THRB: variants seen among roughly 807,000 people sequenced by gnomAD.
THRB encodes the protein nuclear receptor subfamily 1 group A member 2.
A neutral mutation model predicts 47.8 loss-of-function variants in THRB; 12 were observed. The ratio of observed to expected loss-of-function variants is 0.25; its 90% CI spans 0.16 to 0.41. THRB has a LOEUF of 0.41. THRB is among the 10% of genes least tolerant of loss of function. The pLI is 1.00. For missense variants in THRB, 348 were observed against 589.2 expected (o/e 0.59, Z 4.24); for synonymous variants, 218 against 212.2 (o/e 1.03, Z -0.24).
chr3:24,345,358 G>T (rs187376320), intron 1 of THRB, among the ~76,000 whole-genome samples: 1 of 152,154 alleles, frequency 6.6e-6, no homozygotes, highest in Admixed American at 6.6e-5. Flanking sequence ...ATCCATGAAG[G>T]AGCAATAGCA....
chr3:24,162,171 A>AT (rs113431584), intron 5 of THRB, among the ~76,000 whole-genome samples: 6,882 of 143,808 alleles, frequency 0.048, 358 homozygotes, highest in African/African-American at 0.13. Context: ...CCACAAAAGG[A>AT]TTTTTTTTTT....
intron 1 of THRB, among the ~76,000 whole-genome samples, chr3:24,379,937 C>T (rs2065573297): frequency 1.3e-5 from 2 of 151,718 alleles, no homozygotes. Context: ...CCTCCCTCCT[C>T]TCCTCATGTA....
intron 1 of THRB, among the ~76,000 whole-genome samples, chr3:24,444,595 G>A (rs1180455156): frequency 1.3e-5 from 2 of 152,112 alleles, no homozygotes; most frequent in Admixed American, 6.5e-5. Flanking sequence ...TCTATACAAA[G>A]TACAACAAGT....
chr3:24,367,853 C>G (rs773351049), intron 1 of THRB, among the ~76,000 whole-genome samples: 11 of 152,114 alleles, frequency 7.2e-5, no homozygotes, highest in Non-Finnish European at 1.3e-4. Flanking sequence ...AATGCATAAA[C>G]TGTGATTGCC....
intron 4 of THRB, among the ~76,000 whole-genome samples, chr3:24,208,687 CA>C (rs1219329256): frequency 6.6e-6 from 1 of 152,150 alleles, no homozygotes; most frequent in Non-Finnish European, 1.5e-5. Context: ...ACACCTTATA[CA>C]AAAATTAATT....
intron 4 of THRB, among the ~76,000 whole-genome samples, chr3:24,206,571 C>G (rs1026345596): frequency 6.6e-6 from 1 of 152,080 alleles, no homozygotes; most frequent in Non-Finnish European, 1.5e-5. Flanking sequence ...AATCGACACC[C>G]TAACATCACA....
intron 1 of THRB, among the ~76,000 whole-genome samples, chr3:24,447,431 T>G (rs2072206949): frequency 6.6e-6 from 1 of 152,310 alleles, no homozygotes; most frequent in Non-Finnish European, 1.5e-5. Context: ...TTTCTCATGC[T>G]ACACCCTTCT....
intron 5 of THRB, among the ~76,000 whole-genome samples, chr3:24,188,882 T>TGA (rs1232786829): frequency 1.4e-5 from 2 of 143,732 alleles, no homozygotes; most frequent in East Asian, 2.0e-4. Context: ...TATATATATA[T>TGA]ATGAGAGAAA....
At chr3:24,346,420 T>C (rs1345609348) in intron 1 of THRB, among the ~76,000 whole-genome samples, 1 of 151,942 alleles carries the variant, frequency 6.6e-6, no homozygotes, top group African/African-American at 2.4e-5. Context: ...GAACAGTAAA[T>C]AACTGGGGCA....
At chr3:24,309,018 C>T (rs2057556651) in intron 2 of THRB, among the ~76,000 whole-genome samples, 1 of 152,134 alleles carries the variant, frequency 6.6e-6, no homozygotes, top group Non-Finnish European at 1.5e-5. Context: ...CTGGAAAGCT[C>T]TTCCCTACCC....
rs182217978 is a variant in THRB at position 24,228,885 on chromosome 3, T to C, written c.22+53A>G. Reference sequence around the variant, plus strand: ...TCTTTAAGAATCTATAATTTCACTCTAGGTGGAACAAAAATGGAGGCACAC... The same window carrying C: ...TCTTTAAGAATCTATAATTTCACTCCAGGTGGAACAAAAATGGAGGCACAC... On this transcript the variant is annotated intron_variant, in intron 4 of 10. Transcript: ENST00000646209. 381 of 1,526,178 alleles carry C rather than the reference T, an allele frequency of 2.5e-4. 1 individual carries two copies. The African/African-American group carries it at 4.9e-3, about 20-fold the overall frequency. The allele number at this position is 1,526,178 out of a possible 1,614,324, so 94.5% of individuals were successfully genotyped here.
intron 1 of THRB, among the ~76,000 whole-genome samples, chr3:24,385,852 T>C (rs2066058330): frequency 6.6e-6 from 1 of 152,072 alleles, no homozygotes; most frequent in Admixed American, 6.6e-5. Flanking sequence ...TCCTGGAACA[T>C]TTTGCCCAAT....
At chr3:24,197,151 A>C (rs2044048647) in intron 4 of THRB, among the ~76,000 whole-genome samples, 2 of 152,256 alleles carry the variant, frequency 1.3e-5, no homozygotes, top group Admixed American at 6.5e-5. Flanking sequence ...GTAACTTTGC[A>C]AACACAAAAC....
At chr3:24,240,614 A>G (rs1219929771) in intron 3 of THRB, among the ~76,000 whole-genome samples, 2 of 152,154 alleles carry the variant, frequency 1.3e-5, no homozygotes, top group East Asian at 3.9e-4. Flanking sequence ...CTGCATTCCA[A>G]TTCTGTGCTG....
intron 3 of THRB, among the ~76,000 whole-genome samples, chr3:24,238,435 G>A (rs888094419): frequency 6.6e-6 from 1 of 152,074 alleles, no homozygotes; most frequent in Admixed American, 6.6e-5. Flanking sequence ...TGAGACACAT[G>A]CATGAAAAAC....
rs374579702 is a variant in THRB at position 24,226,021 on chromosome 3, A to G, written c.22+2917T>C. On this transcript the variant is annotated intron_variant, in intron 4 of 10. Transcript: ENST00000646209. The stretch of plus-strand genomic sequence containing the variant: ...AACAATTATTCATTCGAGTTAGTGC[A>G]AAGTACATAAATTTAATAAGCATTG... Among the ~76,000 whole-genome samples the G allele has an allele frequency of 2.1e-4, 32 of 152,332 alleles. 1 individual carries two copies. The highest frequency in any genetic ancestry group is 7.2e-4 in the African/African-American group (30 of 41,570).
At chr3:24,135,265 C>T (rs1397540413) in intron 8 of THRB, among the ~76,000 whole-genome samples, 1 of 152,178 alleles carries the variant, frequency 6.6e-6, no homozygotes, top group Non-Finnish European at 1.5e-5. Flanking sequence ...CTTCTTGGTG[C>T]CAGAGCACCA....
chr3:24,462,680 C>G (rs2073807228), intron 1 of THRB, among the ~76,000 whole-genome samples: 1 of 152,216 alleles, frequency 6.6e-6, no homozygotes, highest in Non-Finnish European at 1.5e-5. Flanking sequence ...ATTGTCCTTG[C>G]AACATACAGA....
intron 3 of THRB, among the ~76,000 whole-genome samples, chr3:24,267,720 A>T (rs947969008): frequency 2.6e-5 from 4 of 152,052 alleles, no homozygotes; most frequent in African/African-American, 9.7e-5. Flanking sequence ...TGTACACTTG[A>T]TGTTGCCTCT....
Sources: allele counts gnomAD v4.1 joint callset (sites outside exome capture counted in the v4.1 genomes callset), GRCh38; gene constraint gnomAD v4.1.1; transcripts MANE v1.5; gene names NCBI Gene and HGNC (gene_info 2026-07-23, HGNC 2026-07-21).